Variants in COL15A1 observed in about 807,000 individuals in gnomAD.
COL15A1 encodes the protein collagen alpha-1(XV) chain.
In COL15A1, 111 loss-of-function variants were observed where a neutral mutation model predicts 165.9. The observed-to-expected ratio is 0.67, with a 90% CI of 0.57 to 0.78. COL15A1 has a LOEUF of 0.78. COL15A1 is among the 30% of genes least tolerant of loss of function. The pLI is 0.00. For synonymous variants in COL15A1, 659 were observed against 674.8 expected (o/e 0.98, Z 0.36); for missense variants, 1,745 against 1,789.7 (o/e 0.98, Z 0.45).
chr9:98,944,030 G>T lies in COL15A1; in HGVS notation c.-32G>T. ...GCTCCAACGCTCTGCTCGACTAGCC[G>T]CGCGCCTTCCGGGGCTCCGCAGACC... On this transcript the variant is annotated 5_prime_UTR_variant, in exon 1 of 42. Transcript: ENST00000375001. 4.3e-6 allele frequency: 7 copies of T among 1,613,600 alleles called. No individual in the cohort carries two copies. Among genetic ancestry groups the T allele is most frequent in the Non-Finnish European group, 5.9e-6 (7 of 1,179,700 alleles).
intron 35 of COL15A1, 105 bp downstream of exon 35, chr9:99,056,509 T>G: frequency 6.9e-7 from 1 of 1,448,852 alleles, no homozygotes; most frequent in Admixed American, 2.6e-5. Flanking sequence ...ACAGAGGGCT[T>G]TCCTGGATAC....
rs1177190959 is a variant in COL15A1, at chr9:99,070,576, A to G, written c.*690A>G. ...TGAAACTAGAAAAGAAATAGCACAT[A>G]ATTACTACCTTCCCCTTGGCGGCTC... On this transcript the variant is annotated 3_prime_UTR_variant, in exon 42 of 42. Transcript: ENST00000375001. 2 of 428,290 alleles carry G rather than the reference A, an allele frequency of 4.7e-6. No individual in the cohort carries two copies. The highest frequency in any genetic ancestry group is 9.2e-6 in the Non-Finnish European group (2 of 216,548). The allele number at this position is 428,290 out of a possible 1,614,324, so 26.5% of individuals were successfully genotyped here.
intron 2 of COL15A1, among the ~76,000 whole-genome samples, chr9:98,975,545 T>C (rs1437301154): frequency 6.6e-6 from 1 of 152,206 alleles, no homozygotes; most frequent in Non-Finnish European, 1.5e-5. Context: ...GCTCTGTTTG[T>C]TTCTTCATGG....
chr9:99,037,392 C>G (rs1471276962), intron 21 of COL15A1, among the ~76,000 whole-genome samples: 1 of 152,178 alleles, frequency 6.6e-6, no homozygotes, highest in Non-Finnish European at 1.5e-5. Context: ...GGCATGCACT[C>G]TGCATCAGGT....
chr9:99,033,843 C>A (rs1288984938), intron 16 of COL15A1, among the ~76,000 whole-genome samples: 1 of 152,150 alleles, frequency 6.6e-6, no homozygotes, highest in Admixed American at 6.5e-5. Flanking sequence ...CATCTGGGGG[C>A]CCCCTACCAC....
chr9:99,009,756 A>G (rs917650943), intron 9 of COL15A1, among the ~76,000 whole-genome samples: 1 of 152,246 alleles, frequency 6.6e-6, no homozygotes, highest in African/African-American at 2.4e-5. Context: ...GCCCTAATAA[A>G]AACAACAGGA....
At chr9:98,960,573 C>T (rs1303693304) in intron 2 of COL15A1, among the ~76,000 whole-genome samples, 1 of 152,132 alleles carries the variant, frequency 6.6e-6, no homozygotes, top group Non-Finnish European at 1.5e-5. Context: ...AGCTGCAGTG[C>T]TGTGTAGCTT....
rs1326136827 is a variant in COL15A1, at chr9:99,047,992, A to G, written c.2785A>G (p.Ile929Val). 1 of 1,569,106 alleles carries G rather than the reference A, an allele frequency of 6.4e-7. No individual in the cohort carries two copies. The highest frequency in any genetic ancestry group is 1.1e-5 in the South Asian group (1 of 88,896). ...GGGTACCAAAGGAGATCCAGGGGTC[A>G]TTATGCAGGTGAGTCACCCTGGGGA... ...LKGTKGDPGV[I>V]MQGPPGLPGP... Residue 929 changes from isoleucine (I) to valine (V), a missense_variant, in exon 28 of 42, where the codon ATT becomes GTT. Physicochemically the swap from Ile to Val is conservative, Grantham distance 29. Transcript: ENST00000375001.
chr9:99,070,597 G>A lies in COL15A1; in HGVS notation c.*711G>A, dbSNP rs999876948. 3.8e-5 allele frequency: 17 copies of A among 443,220 alleles called. No individual in the cohort carries two copies. Among genetic ancestry groups the A allele is most frequent in the African/African-American group, 2.2e-4 (11 of 49,308 alleles). 27.5% of individuals were successfully genotyped at this position (443,220 alleles called of 1,614,324 possible). On this transcript the variant is annotated 3_prime_UTR_variant, in exon 42 of 42. Transcript: ENST00000375001. The stretch of plus-strand genomic sequence containing the variant: ...ACATAATTACTACCTTCCCCTTGGC[G>A]GCTCTCCTCCCCAACCCCCACCCCA...
chr9:98,946,736 A>G (rs1052922792), intron 2 of COL15A1, among the ~76,000 whole-genome samples: 7 of 152,246 alleles, frequency 4.6e-5, no homozygotes, highest in African/African-American at 1.4e-4. Context: ...GTGCCCTGCC[A>G]TGAATGAGCT....
intron 17 of COL15A1, 27 bp downstream of exon 17, chr9:99,034,611 A>AG: frequency 2.1e-6 from 3 of 1,454,018 alleles, no homozygotes; most frequent in South Asian, 1.3e-5. Flanking sequence ...AAAAAAAAAA[A>AG]AAAGAACTTT....
intron 5 of COL15A1, among the ~76,000 whole-genome samples, chr9:98,992,587 G>A (rs891745121): frequency 9.9e-5 from 15 of 152,278 alleles, no homozygotes; most frequent in South Asian, 2.1e-4. Context: ...CTCCTCAGGT[G>A]TGGCCAGAGT....
intron 2 of COL15A1, among the ~76,000 whole-genome samples, chr9:98,969,369 C>A (rs1034935006): frequency 6.6e-6 from 1 of 152,224 alleles, no homozygotes; most frequent in Admixed American, 6.5e-5. Flanking sequence ...ATTCCTCTTG[C>A]GGATCGAGAA....
chr9:99,042,397 A>G (rs1417400762), intron 24 of COL15A1, among the ~76,000 whole-genome samples: 6 of 152,208 alleles, frequency 3.9e-5, no homozygotes, highest in Admixed American at 6.5e-5. Context: ...CAGGTTCTCT[A>G]TGAGACGAGA....
chr9:98,990,951 G>C (rs565383202), intron 5 of COL15A1, among the ~76,000 whole-genome samples: 1 of 152,212 alleles, frequency 6.6e-6, no homozygotes, highest in South Asian at 2.1e-4. Context: ...TCTTCCTTCT[G>C]GTGGGTTCCT....
At chr9:99,005,425 G>A (rs576520694) in intron 9 of COL15A1, among the ~76,000 whole-genome samples, 1 of 152,118 alleles carries the variant, frequency 6.6e-6, no homozygotes, top group Non-Finnish European at 1.5e-5. Context: ...GCACGGCCAG[G>A]CCTTCCTAGC....
chr9:99,037,002 A>T (rs1244503328), intron 21 of COL15A1, among the ~76,000 whole-genome samples: 1 of 152,232 alleles, frequency 6.6e-6, no homozygotes, highest in East Asian at 1.9e-4. Context: ...GCCAAGGATT[A>T]CACCCTTCAT....
At chr9:99,043,585 C>T (rs963182749) in intron 24 of COL15A1, among the ~76,000 whole-genome samples, 1 of 152,160 alleles carries the variant, frequency 6.6e-6, no homozygotes, top group Non-Finnish European at 1.5e-5. Context: ...TCCCTGCTGG[C>T]GTGCTCAGGA....
chr9:99,017,675 C>T (rs945560378), intron 11 of COL15A1, among the ~76,000 whole-genome samples: 4 of 152,038 alleles, frequency 2.6e-5, no homozygotes, highest in Non-Finnish European at 4.4e-5. Flanking sequence ...TGGATTGACC[C>T]GCTCATGCAC....
Sources: gnomAD v4.1 joint callset for allele counts (sites outside exome capture counted in the v4.1 genomes callset) on GRCh38, gnomAD v4.1.1 for gene constraint, MANE v1.5 for transcripts, NCBI Gene and HGNC (gene_info 2026-07-23, HGNC 2026-07-21) for gene names.